ZFHX3: variants seen among roughly 807,000 people sequenced by gnomAD.
ZFHX3 encodes the protein zinc finger homeobox 3, also known as zinc finger homeobox protein 3.
ZFHX3 carries 42 observed loss-of-function variants against 279.1 expected under a neutral mutation model. That is an observed-to-expected ratio of 0.15 (90% CI 0.12 to 0.19). ZFHX3 has a LOEUF of 0.19. Ranked by LOEUF, ZFHX3 falls within the 10% of genes least tolerant of loss-of-function variation. The probability of loss-of-function intolerance (pLI) is 1.00; values close to 1 mark genes in which losing one functional copy is unlikely to be tolerated. For synonymous variants in ZFHX3, 2,293 were observed against 1,957.8 expected (o/e 1.17, Z -4.52); for missense variants, 4,981 against 4,754.0 (o/e 1.05, Z -1.40).
intron 4 of ZFHX3, among the ~76,000 whole-genome samples, chr16:72,858,077 G>T (rs1487918818): frequency 6.6e-6 from 1 of 152,240 alleles, no homozygotes; most frequent in African/African-American, 2.4e-5. Flanking sequence ...TGGTGCGGCG[G>T]GGGGCTCTGA....
chr16:73,703,514 G>C (rs139736157), intron 1 of ZFHX3, among the ~76,000 whole-genome samples: 2 of 152,122 alleles, frequency 1.3e-5, no homozygotes, highest in African/African-American at 4.8e-5. Flanking sequence ...ATTGATGTGG[G>C]AAGGGGAAGG....
intron 2 of ZFHX3, among the ~76,000 whole-genome samples, chr16:73,564,202 C>G (rs2020417133): frequency 1.3e-5 from 2 of 152,148 alleles, no homozygotes; most frequent in Admixed American, 1.3e-4. Context: ...TCTCCCTATC[C>G]TGAGTTTGTG....
chr16:72,831,664 T>C (rs1597287143), intron 4 of ZFHX3, among the ~76,000 whole-genome samples: 1 of 152,330 alleles, frequency 6.6e-6, no homozygotes, highest in Non-Finnish European at 1.5e-5. Flanking sequence ...TCTGTGCACA[T>C]TTTTAGGATT....
chr16:73,198,703 T>G lies in ZFHX3; in HGVS notation c.-1103-54872A>C, dbSNP rs549477036. On this transcript the variant is annotated intron_variant, in intron 5 of 17. Transcript: ENST00000641206. Reference sequence around the variant, plus strand: ...ATCCTCGCTACAGAAACTTCCTTAATATGCCAGAGGGACATGTTGGAAGCG... The same window carrying G: ...ATCCTCGCTACAGAAACTTCCTTAAGATGCCAGAGGGACATGTTGGAAGCG... Among the ~76,000 whole-genome samples the G allele has an allele frequency of 1.9e-4, 29 of 152,288 alleles. 1 individual carries two copies. Among genetic ancestry groups the G allele is most frequent in the Admixed American group, 5.2e-4 (8 of 15,294 alleles).
intron 1 of ZFHX3, among the ~76,000 whole-genome samples, chr16:73,038,866 C>T (rs1309560115): frequency 2.0e-5 from 3 of 151,788 alleles, no homozygotes; most frequent in South Asian, 2.1e-4. Context: ...GGCACAATCA[C>T]GGCTCAATGC....
intron 2 of ZFHX3, among the ~76,000 whole-genome samples, chr16:73,503,915 T>C (rs1345288769): frequency 6.6e-6 from 1 of 152,224 alleles, no homozygotes; most frequent in Admixed American, 6.5e-5. Flanking sequence ...AGGGTGATAG[T>C]TATTCACTTC....
At chr16:72,921,207 G>A (rs1227510019) in intron 3 of ZFHX3, among the ~76,000 whole-genome samples, 1 of 149,278 alleles carries the variant, frequency 6.7e-6, no homozygotes, top group African/African-American at 2.5e-5. Flanking sequence ...TCCCTCTCCC[G>A]CCACACCCTA....
intron 5 of ZFHX3, among the ~76,000 whole-genome samples, chr16:73,246,838 G>A (rs897811211): frequency 7.2e-5 from 11 of 152,150 alleles, no homozygotes; most frequent in African/African-American, 2.4e-4. Context: ...TTCTTGACTG[G>A]TTGAGAAACT....
chr16:73,796,840 C>T (rs1166071049), intron 1 of ZFHX3, among the ~76,000 whole-genome samples: 1 of 152,196 alleles, frequency 6.6e-6, no homozygotes, highest in Non-Finnish European at 1.5e-5. Flanking sequence ...TAACCCCTTC[C>T]TTGTTGGGGC....
At chr16:73,520,282 C>A (rs1283901094) in intron 2 of ZFHX3, among the ~76,000 whole-genome samples, 1 of 152,100 alleles carries the variant, frequency 6.6e-6, no homozygotes, top group African/African-American at 2.4e-5. Flanking sequence ...TCTGAACTTT[C>A]CATAAATTGC....
Position 72,797,018 on chromosome 16 carries a change from T to C in ZFHX3, c.5664A>G (p.Glu1888=). 1 of 1,613,996 alleles carries C rather than the reference T, an allele frequency of 6.2e-7. No homozygotes were observed. The highest frequency in any genetic ancestry group is 8.5e-7 in the Non-Finnish European group (1 of 1,179,980). ...NKLVIKEKEK[E]SQRERDSAEG... ...CGGCGCTGTCCCTCTCTCTCTGGCTTTCTTTTTCCTTTTCTTTGATGACCA... is the reference window on the plus strand; with the variant it reads ...CGGCGCTGTCCCTCTCTCTCTGGCTCTCTTTTTCCTTTTCTTTGATGACCA... The change falls in exon 9 of 10, where the codon GAA becomes GAG. Residue 1888 remains glutamate (E), a synonymous_variant. Transcript: ENST00000268489.
Position 73,416,879 on chromosome 16 carries a change from G to GA in ZFHX3, c.-1291+39123dup, listed in dbSNP as rs201007690. ...ACAGAGCGAGACTCCGTCTCAAACAGAAAAAAAAGCAAGTTGAGGAGTAGG... is the reference window on the plus strand; with the variant it reads ...ACAGAGCGAGACTCCGTCTCAAACAGAAAAAAAAAGCAAGTTGAGGAGTAGG... On this transcript the variant is annotated intron_variant, in intron 3 of 17. Transcript: ENST00000641206. Among the ~76,000 whole-genome samples, 1,246 of 151,022 alleles carry GA rather than the reference G, an allele frequency of 8.3e-3. 20 individuals are homozygous for GA. Among genetic ancestry groups the GA allele is most frequent in the African/African-American group, 0.028 (1,139 of 40,830 alleles).
At chr16:73,305,038 G>A (rs1488761992) in intron 4 of ZFHX3, among the ~76,000 whole-genome samples, 5 of 151,816 alleles carry the variant, frequency 3.3e-5, no homozygotes, top group African/African-American at 4.8e-5. Flanking sequence ...CCTTGCCCCA[G>A]CAGAATGACA....
At chr16:73,511,083 T>C (rs1355839085) in intron 2 of ZFHX3, among the ~76,000 whole-genome samples, 3 of 152,270 alleles carry the variant, frequency 2.0e-5, no homozygotes, top group African/African-American at 4.8e-5. Flanking sequence ...GAACCTGTTC[T>C]GCATTCAGGC....
chr16:73,509,203 G>A (rs1044342578), intron 2 of ZFHX3, among the ~76,000 whole-genome samples: 2 of 152,090 alleles, frequency 1.3e-5, no homozygotes, highest in Non-Finnish European at 2.9e-5. Context: ...TGACAATTAC[G>A]TTCTTTCTTT....
upstream of ZFHX3, chr16:73,062,457 C>G (rs1027453465): frequency 1.3e-5 from 2 of 152,134 alleles, no homozygotes; most frequent in Admixed American, 6.5e-5. Context: ...CTGTTTGAAG[C>G]CACTTCTTTG....
intron 1 of ZFHX3, among the ~76,000 whole-genome samples, chr16:73,724,170 TAATA>T (rs1162773854): frequency 2.6e-5 from 4 of 152,354 alleles, no homozygotes; most frequent in African/African-American, 9.6e-5. Context: ...AGGTTGGTGA[TAATA>T]AATAGTAATT....
chr16:73,287,760 C>CTGTGTGGGTGTGTGGGTAAG (rs372527604), intron 4 of ZFHX3, among the ~76,000 whole-genome samples: 1 of 106,930 alleles, frequency 9.4e-6, no homozygotes, highest in Non-Finnish European at 1.9e-5. Context: ...TGGTGAGTGG[C>CTGTGTGGGTGTGTGGGTAAG]TGTGTGGGTG....
intron 3 of ZFHX3, among the ~76,000 whole-genome samples, chr16:73,326,906 C>T (rs537380974): frequency 2.4e-4 from 37 of 152,248 alleles, no homozygotes; most frequent in South Asian, 4.1e-4. Flanking sequence ...CTTTGCCAAA[C>T]GCATCAAAGT....
Sources: gnomAD v4.1 joint callset for allele counts (sites outside exome capture counted in the v4.1 genomes callset) on GRCh38, gnomAD v4.1.1 for gene constraint, MANE v1.5 for transcripts, NCBI Gene and HGNC (gene_info 2026-07-23, HGNC 2026-07-21) for gene names.